The following FER variants were observed in gnomAD, a reference collection of about 807,000 sequenced individuals.
FER encodes the protein tyrosine-protein kinase Fer.
A neutral mutation model predicts 111.0 loss-of-function variants in FER; 63 were observed. The ratio of observed to expected loss-of-function variants is 0.57; its 90% CI spans 0.46 to 0.70. The LOEUF is 0.70. FER is among the 30% of genes least tolerant of loss of function. The pLI is 0.00. For missense variants in FER, 914 were observed against 954.0 expected, an observed-to-expected ratio of 0.96 and a Z score of 0.55; for synonymous variants, 327 against 313.9, an observed-to-expected ratio of 1.04 and a Z score of -0.44.
intron 14 of FER, among the ~76,000 whole-genome samples, chr5:109,043,838 G>A (rs932522944): frequency 4.6e-5 from 7 of 152,010 alleles, no homozygotes; most frequent in Admixed American, 4.6e-4. Flanking sequence ...GGGTGTGGTG[G>A]TGTGCGCCTG....
chr5:108,854,436 T>C (rs1319273298), intron 5 of FER, among the ~76,000 whole-genome samples: 2 of 152,180 alleles, frequency 1.3e-5, no homozygotes, highest in Non-Finnish European at 2.9e-5. Flanking sequence ...TTGTGAAAGC[T>C]GAAACAAAAA....
At chr5:109,102,607 T>A (rs546282109) in intron 17 of FER, among the ~76,000 whole-genome samples, 4 of 152,226 alleles carry the variant, frequency 2.6e-5, no homozygotes, top group Non-Finnish European at 5.9e-5. Context: ...ATGTTTGTTA[T>A]GACTTTTCCT....
At chr5:108,931,314 TC>T (rs1186769634) in intron 10 of FER, among the ~76,000 whole-genome samples, 1 of 152,190 alleles carries the variant, frequency 6.6e-6, no homozygotes, top group Non-Finnish European at 1.5e-5. Flanking sequence ...CTCTGTTTTT[TC>T]CATGTATTTT....
At chr5:108,870,992 G>T (rs558805429) in intron 6 of FER, among the ~76,000 whole-genome samples, 1 of 152,144 alleles carries the variant, frequency 6.6e-6, no homozygotes, top group South Asian at 2.1e-4. Context: ...ACACTGGAAA[G>T]GAACATTAAA....
chr5:109,180,405 T>C (rs1758165960), intron 17 of FER, among the ~76,000 whole-genome samples: 1 of 152,226 alleles, frequency 6.6e-6, no homozygotes, highest in South Asian at 2.1e-4. Flanking sequence ...GCTACTTTAT[T>C]GGACAATGCT....
At chr5:108,924,694 G>A in intron 10 of FER, 1 of 1,232,024 alleles carries the variant, frequency 8.1e-7, no homozygotes, top group Admixed American at 4.2e-5. Flanking sequence ...TCATTGTAAG[G>A]ATCAGCTGGA....
intron 17 of FER, among the ~76,000 whole-genome samples, chr5:109,126,664 C>A (rs1561929017): frequency 6.6e-6 from 1 of 152,064 alleles, no homozygotes; most frequent in Non-Finnish European, 1.5e-5. Flanking sequence ...TTAGCAGATA[C>A]CGGATTGTTT....
intron 17 of FER, among the ~76,000 whole-genome samples, chr5:109,161,937 AC>A (rs2126743970): frequency 6.6e-6 from 1 of 152,092 alleles, no homozygotes; most frequent in South Asian, 2.1e-4. Context: ...TCTGTTACTT[AC>A]TTTTTAATAG....
chr5:108,849,731 A>C (rs1762369089), intron 5 of FER, among the ~76,000 whole-genome samples: 1 of 152,154 alleles, frequency 6.6e-6, no homozygotes, highest in African/African-American at 2.4e-5. Flanking sequence ...ACTTTTGATG[A>C]GATGCCATAC....
At position 109,186,193 on chromosome 5, in the gene FER, C is replaced by T; in HGVS notation, c.2204-7C>T. ...TCATGTGGTTATGGTTGTTGTTCCT[C>T]TTCCAGGGAGATACAGTTCAGAGAG... is the stretch of plus-strand genomic sequence containing the variant. On this transcript the variant is annotated splice_polypyrimidine_tract_variant and splice_region_variant and intron_variant, in intron 18 of 19. Transcript: ENST00000281092. 1.2e-6 allele frequency: 2 copies of T among 1,614,112 alleles called. No homozygotes were observed. The highest frequency in any genetic ancestry group is 1.7e-6 in the Non-Finnish European group (2 of 1,179,956).
chr5:108,978,837 A>G (rs1761706510), intron 13 of FER, among the ~76,000 whole-genome samples: 1 of 152,206 alleles, frequency 6.6e-6, no homozygotes. Flanking sequence ...CGTGAGTGGC[A>G]CTTACATCCC....
At chr5:109,042,672 A>G (rs998848254) in intron 14 of FER, among the ~76,000 whole-genome samples, 1 of 152,214 alleles carries the variant, frequency 6.6e-6, no homozygotes, top group Non-Finnish European at 1.5e-5. Flanking sequence ...ATATGTATTC[A>G]GGGACAGGAA....
chr5:108,885,498 C>T (rs1746982480), intron 9 of FER, among the ~76,000 whole-genome samples: 1 of 151,920 alleles, frequency 6.6e-6, no homozygotes, highest in South Asian at 2.1e-4. Context: ...TTATTTCTCA[C>T]AGTTCTGGAG....
intron 16 of FER, among the ~76,000 whole-genome samples, chr5:109,086,779 T>A (rs114677237): frequency 0.017 from 2,560 of 151,562 alleles, 55 homozygotes; most frequent in African/African-American, 0.058. Flanking sequence ...CCATGATATA[T>A]TAGTTTGCTA....
At chr5:108,840,968 T>A (rs1426804220) in intron 5 of FER, among the ~76,000 whole-genome samples, 1 of 152,132 alleles carries the variant, frequency 6.6e-6, no homozygotes, top group African/African-American at 2.4e-5. Context: ...CCAGTAGCAA[T>A]ATTACGTTAA....
intron 17 of FER, among the ~76,000 whole-genome samples, chr5:109,173,217 A>G (rs1757322621): frequency 6.6e-6 from 1 of 152,230 alleles, no homozygotes; most frequent in African/African-American, 2.4e-5. Context: ...TTTTAAGGGA[A>G]GCCAGATGAC....
chr5:109,171,515 G>T (rs1172138001), intron 17 of FER, among the ~76,000 whole-genome samples: 1 of 152,160 alleles, frequency 6.6e-6, no homozygotes, highest in Non-Finnish European at 1.5e-5. Flanking sequence ...ACATATAAAG[G>T]ACTCAATAAA....
chr5:109,034,712 T>G (rs1427384939), intron 13 of FER, among the ~76,000 whole-genome samples: 1 of 152,126 alleles, frequency 6.6e-6, no homozygotes, highest in African/African-American at 2.4e-5. Context: ...CATTTCAACC[T>G]ATTTTTTCAG....
chr5:109,180,493 A>C (rs1240518840), intron 17 of FER, among the ~76,000 whole-genome samples: 1 of 152,120 alleles, frequency 6.6e-6, no homozygotes, highest in Non-Finnish European at 1.5e-5. Flanking sequence ...TAAAGCTAGA[A>C]TCGGTGTTTT....
Sources: allele counts gnomAD v4.1 joint callset (sites outside exome capture counted in the v4.1 genomes callset), GRCh38; gene constraint gnomAD v4.1.1; transcripts MANE v1.5; gene names NCBI Gene and HGNC (gene_info 2026-07-23, HGNC 2026-07-21).